The following SERINC2 variants were observed in gnomAD, a reference collection of about 807,000 sequenced individuals.
SERINC2 encodes the protein tumor differentially expressed protein 2.
Under a neutral mutation model 54.2 loss-of-function variants are expected in SERINC2, and 56 were observed. That is an observed-to-expected ratio of 1.03 (90% CI 0.83 to 1.29). The LOEUF is 1.29. Ranked by LOEUF, SERINC2 falls within the 50% of genes most tolerant of loss-of-function variation. SERINC2 has a pLI of 0.00. For synonymous variants in SERINC2, 272 were observed against 253.1 expected (o/e 1.07, Z -0.71); for missense variants, 614 against 607.4 (o/e 1.01, Z -0.12).
At chr1:31,419,597 G>A (rs1411171313) in intron 1 of SERINC2, among the ~76,000 whole-genome samples, 4 of 152,206 alleles carry the variant, frequency 2.6e-5, no homozygotes, top group Non-Finnish European at 5.9e-5. Flanking sequence ...GGAGGCCAAG[G>A]TGGGAGGATC....
At chr1:31,429,328 T>A in intron 7 of SERINC2, 69 bp from the exon 8 acceptor site, 1 of 1,534,640 alleles carries the variant, frequency 6.5e-7, no homozygotes, top group Non-Finnish European at 8.8e-7. Flanking sequence ...TCTCTAGCCA[T>A]CCTCAGGGCC....
At chr1:31,414,500 G>T (rs959784162) in intron 1 of SERINC2, 41 of 1,008,128 alleles carry the variant, frequency 4.1e-5, no homozygotes, top group Non-Finnish European at 1.3e-5. Context: ...GAGAGCTGAG[G>T]GTCTAGAGAT....
intron 5 of SERINC2, chr1:31,426,137 G>A (rs1641035732): frequency 7.5e-6 from 4 of 531,314 alleles, no homozygotes; most frequent in Non-Finnish European, 1.3e-5. Flanking sequence ...GGCCTTGGAG[G>A]GGTCTTGTTT....
chr1:31,413,938 C>A lies in SERINC2; in HGVS notation c.39+634C>A. ...CTCTCTGCGGTCCCTTTACCGTCCTCAGTCTGGCTCGCGCTGCCTCTCAGG... is the reference window on the plus strand; with the variant it reads ...CTCTCTGCGGTCCCTTTACCGTCCTAAGTCTGGCTCGCGCTGCCTCTCAGG... On this transcript the variant is annotated intron_variant, in intron 1 of 9. Transcript: ENST00000373709. This position sits in a 1 kb window ranked among gnomAD's most constrained non-coding sequence, Gnocchi z 5.0. 6.6e-7 allele frequency: 1 copy of A among 1,523,304 alleles called. No homozygotes were observed. Among genetic ancestry groups the A allele is most frequent in the Non-Finnish European group, 8.8e-7 (1 of 1,141,882 alleles). 94.4% of individuals were successfully genotyped at this position (1,523,304 alleles called of 1,614,324 possible). A position where few individuals can be genotyped will look rare whatever the true frequency, so the allele number is the denominator to read the frequency against.
chr1:31,429,662 C>A, intron 8 of SERINC2, 124 bp downstream of exon 8: 2 of 1,108,968 alleles, frequency 1.8e-6, no homozygotes, highest in South Asian at 1.6e-5. Flanking sequence ...ATATCCAGGT[C>A]TTGCATTGTG....
In SERINC2 at chr1:31,423,744, G is replaced by A. The variant is rs370361611; in HGVS notation, c.91G>A (p.Ala31Thr). The A allele has an allele frequency of 1.2e-4, 201 of 1,612,732 alleles. No homozygotes were observed. The highest frequency in any genetic ancestry group is 1.6e-4 in the Non-Finnish European group (190 of 1,179,918). ...APCILCSCCP[A>T]SRNSTVSRLI... ...CTGCATCCTGTGCAGCTGCTGCCCC[G>A]CCAGCCGCAACTCCACCGTGAGCCG... is the stretch of plus-strand genomic sequence containing the variant. The change falls in exon 2 of 10, where the codon GCC (alanine) becomes ACC (threonine). Residue 31 changes from alanine (A) to threonine (T), a missense_variant. By Grantham distance (58) the Ala-to-Thr change is moderately conservative. Coordinates refer to ENST00000373709, the MANE Select transcript of SERINC2 (RefSeq NM_178865.5).
At chr1:31,431,617 A>G (rs1553134474) in intron 8 of SERINC2, among the ~76,000 whole-genome samples, 1 of 152,216 alleles carries the variant, frequency 6.6e-6, no homozygotes, top group Non-Finnish European at 1.5e-5. Flanking sequence ...CACTGCTGAG[A>G]GCCCAGGGGC....
chr1:31,431,436 T>A (rs1007730390), intron 8 of SERINC2, among the ~76,000 whole-genome samples: 8 of 152,020 alleles, frequency 5.3e-5, no homozygotes, highest in African/African-American at 1.7e-4. Flanking sequence ...ATTACCTTCA[T>A]TTTACAGATA....
chr1:31,411,323 C>A (rs1378499552), upstream of SERINC2, among the ~76,000 whole-genome samples: 1 of 152,150 alleles, frequency 6.6e-6, no homozygotes, highest in Non-Finnish European at 1.5e-5. Context: ...AGCTGTGTGG[C>A]CTTCAGCAAT....
intron 8 of SERINC2, 136 bp from the exon 9 acceptor site, chr1:31,432,831 G>C (rs1218102580): frequency 2.9e-5 from 19 of 655,330 alleles, no homozygotes; most frequent in Non-Finnish European, 4.0e-5. Context: ...GGGTAGAGTT[G>C]AGAGGCAAAG....
chr1:31,420,644 T>C (rs1388174151), intron 1 of SERINC2, among the ~76,000 whole-genome samples: 2 of 152,220 alleles, frequency 1.3e-5, no homozygotes, highest in Admixed American at 6.5e-5. Context: ...AGCCTGGCCC[T>C]TGGTGCACAC....
chr1:31,434,030 G>T lies in SERINC2; in HGVS notation c.1233-34G>T, dbSNP rs1178757213. On this transcript the variant is annotated intron_variant, in intron 9 of 9. Transcript: ENST00000373709. Reference sequence around the variant, plus strand: ...GCCAAGATGGAAGTCACCAGACTGGGCACCAGGCTCATGGGGAAGATGGTG... The same window carrying T: ...GCCAAGATGGAAGTCACCAGACTGGTCACCAGGCTCATGGGGAAGATGGTG... 4 of 1,608,104 alleles carry T rather than the reference G, an allele frequency of 2.5e-6. No homozygotes were observed. In the East Asian group the frequency reaches 8.9e-5, roughly 36 times the overall value.
chr1:31,410,429 C>T (rs1553131336), upstream of SERINC2: 2 of 1,550,278 alleles, frequency 1.3e-6, no homozygotes, highest in South Asian at 1.2e-5. Flanking sequence ...CCGGACCCAG[C>T]CACACAGTGA....
At chr1:31,430,618 T>G (rs571378010) in intron 8 of SERINC2, among the ~76,000 whole-genome samples, 40 of 152,202 alleles carry the variant, frequency 2.6e-4, no homozygotes, top group Non-Finnish European at 5.1e-4. Context: ...AATTAAGTGT[T>G]GCATATTATT....
At position 31,426,635 on chromosome 1, in the gene SERINC2, C is replaced by T; in HGVS notation, c.611-19C>T. 1.9e-6 allele frequency: 3 copies of T among 1,590,766 alleles called. No homozygotes were observed. Among genetic ancestry groups the T allele is most frequent in the African/African-American group, 1.3e-5 (1 of 74,590 alleles). On this transcript the variant is annotated intron_variant, in intron 5 of 9. Transcript: ENST00000373709. ...CTGCCCCACCCACTGCCTACCCTCT[C>T]ACTACCCCTCTGGCCCAGGCCTCTT...
chr1:31,424,058 G>A (rs932936349), intron 2 of SERINC2, among the ~76,000 whole-genome samples: 1 of 152,104 alleles, frequency 6.6e-6, no homozygotes, highest in East Asian at 1.9e-4. Flanking sequence ...CAGTCTCCTT[G>A]GAAAATCTTA....
chr1:31,427,687 A>G (rs1053908580), intron 6 of SERINC2, among the ~76,000 whole-genome samples: 1 of 152,106 alleles, frequency 6.6e-6, no homozygotes, highest in South Asian at 2.1e-4. Context: ...TCCTCACACC[A>G]TCCTCATCCT....
At chr1:31,418,529 C>T (rs1276962516) in intron 1 of SERINC2, among the ~76,000 whole-genome samples, 3 of 152,108 alleles carry the variant, frequency 2.0e-5, no homozygotes, top group Non-Finnish European at 4.4e-5. Context: ...ATGCCTGCCA[C>T]CATGCCTGGC....
intron 5 of SERINC2, chr1:31,426,123 G>A (rs1170177707): frequency 2.6e-5 from 15 of 566,912 alleles, no homozygotes; most frequent in Non-Finnish European, 4.3e-5. Context: ...AGCTGACCTG[G>A]AGAGGCCTTG....
Sources: gnomAD v4.1 joint callset for allele counts (sites outside exome capture counted in the v4.1 genomes callset) on GRCh38, gnomAD v4.1.1 for gene constraint, Gnocchi (gnomAD v3.1) non-coding constraint, MANE v1.5 for transcripts, NCBI Gene and HGNC (gene_info 2026-07-23, HGNC 2026-07-21) for gene names.